The following HARBI1 variants were observed in gnomAD, a reference collection of about 807,000 sequenced individuals.
The protein encoded by HARBI1 is harbinger transposase derived 1.
A neutral mutation model predicts 25.3 loss-of-function variants in HARBI1; 15 were observed. The ratio of observed to expected loss-of-function variants is 0.59; its 90% CI spans 0.40 to 0.91. HARBI1 has a LOEUF of 0.91. Ranked by LOEUF, HARBI1 falls within the 40% of genes least tolerant of loss-of-function variation. The probability of loss-of-function intolerance (pLI) is 0.00; values close to 1 mark genes in which losing one functional copy is unlikely to be tolerated. For missense variants in HARBI1, 396 were observed against 445.8 expected (o/e 0.89, Z 1.01); for synonymous variants, 168 against 160.5 (o/e 1.05, Z -0.35).
intron 2 of HARBI1, among the ~76,000 whole-genome samples, chr11:46,607,899 G>C (rs1430385458): frequency 7.3e-6 from 1 of 137,362 alleles, no homozygotes; most frequent in African/African-American, 2.8e-5. Flanking sequence ...TAATATCGTA[G>C]GAAAAATAAT....
chr11:46,616,090 C>A lies in HARBI1; in HGVS notation c.148G>T (p.Val50Leu). The change falls in exon 2 of 3, where the codon GTG becomes TTG. Residue 50 changes from valine (V) to leucine (L), a missense_variant. Coordinates refer to ENST00000326737, the MANE Select transcript of HARBI1 (RefSeq NM_173811.4). Reference sequence around the variant, plus strand: ...GAAAGATTCGCCCCCAAGAGCTCCACCAAGTAATAAATGAACTGCCGTGGA... The same window carrying A: ...GAAAGATTCGCCCCCAAGAGCTCCAACAAGTAATAAATGAACTGCCGTGGA... ...GFPRQFIYYLVELLGANLSRP... is the reference protein window; with the variant it reads ...GFPRQFIYYLLELLGANLSRP... 2 of 1,614,180 alleles carry A rather than the reference C, an allele frequency of 1.2e-6. No individual in the cohort carries two copies. Among genetic ancestry groups the A allele is most frequent in the Non-Finnish European group, 1.7e-6 (2 of 1,180,026 alleles).
Position 46,615,932 on chromosome 11 carries a change from A to G in HARBI1, c.306T>C (p.Arg102=), listed in dbSNP as rs1358902070. The G allele has an allele frequency of 2.2e-5, 35 of 1,614,234 alleles. No individual in the cohort carries two copies. Among genetic ancestry groups the G allele is most frequent in the Non-Finnish European group, 2.9e-5 (34 of 1,180,040 alleles). Residue 102 remains arginine, a synonymous_variant, in exon 2 of 3, where the codon CGT becomes CGC. Coordinates refer to ENST00000326737, the MANE Select transcript of HARBI1 (RefSeq NM_173811.4). ...AIGISQASMS[R]CVANVTEALV... The stretch of plus-strand genomic sequence containing the variant: ...GTGCTTCAGTGACATTGGCAACACA[A>G]CGACTCATAGACGCCTGACTGATTC...
At chr11:46,610,654 G>A (rs552458952) in intron 2 of HARBI1, among the ~76,000 whole-genome samples, 12 of 152,194 alleles carry the variant, frequency 7.9e-5, no homozygotes, top group South Asian at 2.1e-4. Flanking sequence ...GCGAGACTCC[G>A]TCTCAAAAAA....
At chr11:46,608,512 G>GT (rs1367498028) in intron 2 of HARBI1, among the ~76,000 whole-genome samples, 1 of 151,952 alleles carries the variant, frequency 6.6e-6, no homozygotes, top group Non-Finnish European at 1.5e-5. Flanking sequence ...TAGCACGATC[G>GT]TAGCTCACTG....
At chr11:46,617,694 C>T (rs544341630), upstream of HARBI1, 51 of 397,104 alleles carry the variant, frequency 1.3e-4, 2 homozygotes, top group South Asian at 5.7e-3. Flanking sequence ...TGCGACAACT[C>T]GCGGAGTCTT....
At chr11:46,610,152 C>G (rs2045117389) in intron 2 of HARBI1, among the ~76,000 whole-genome samples, 1 of 151,384 alleles carries the variant, frequency 6.6e-6, no homozygotes, top group South Asian at 2.1e-4. Context: ...AGCGCCCAGC[C>G]AAAAAATTTA....
At chr11:46,610,851 G>A (rs1174102899) in intron 2 of HARBI1, among the ~76,000 whole-genome samples, 1 of 151,898 alleles carries the variant, frequency 6.6e-6, no homozygotes, top group Non-Finnish European at 1.5e-5. Context: ...TGGATCCCAA[G>A]GTGGGAAGAA....
intron 2 of HARBI1, among the ~76,000 whole-genome samples, chr11:46,611,157 G>A (rs1343301329): frequency 6.6e-6 from 1 of 151,714 alleles, no homozygotes; most frequent in African/African-American, 2.4e-5. Flanking sequence ...ACAGGCGCCT[G>A]CCACCACGCC....
chr11:46,604,212 A>C (rs1273463656), intron 2 of HARBI1: 1 of 985,258 alleles, frequency 1.0e-6, no homozygotes, highest in Non-Finnish European at 1.2e-6. Flanking sequence ...TGGAGGAAAT[A>C]AAATTCCTGC....
intron 2 of HARBI1, among the ~76,000 whole-genome samples, chr11:46,606,772 AGCTGGGATTACAGGCACAT>A (rs149752239): frequency 0.019 from 2,838 of 152,268 alleles, 94 homozygotes; most frequent in African/African-American, 0.065. Context: ...CCTCCTGAGT[AGCTGGGATTACAGGCACAT>A]GCCACAACAC....
chr11:46,605,417 G>A lies in HARBI1; in HGVS notation c.671-1508C>T, dbSNP rs7124331. ...GAGGTTTCACTATGTTACCCAGGCT[G>A]GTCTCTTAAGTCCCGTGCCCAAACA... is the stretch of plus-strand genomic sequence containing the variant. On this transcript the variant is annotated intron_variant, in intron 2 of 2. Transcript: ENST00000326737. 7.0e-3 allele frequency among the ~76,000 whole-genome samples: 1,059 copies of A among 151,816 alleles called. 18 individuals carry two copies. Among genetic ancestry groups the A allele is most frequent in the African/African-American group, 0.024 (1,011 of 41,384 alleles).
chr11:46,617,809 C>G (rs1329790632), upstream of HARBI1: 1 of 399,156 alleles, frequency 2.5e-6, no homozygotes, highest in African/African-American at 2.1e-5. Flanking sequence ...GAACCCTCAG[C>G]CAGGAGGCGC....
intron 2 of HARBI1, among the ~76,000 whole-genome samples, chr11:46,615,141 A>G (rs551345913): frequency 6.6e-6 from 1 of 151,314 alleles, no homozygotes; most frequent in South Asian, 2.1e-4. Context: ...TAAACTCCCA[A>G]CCTCAGGTGA....
chr11:46,610,462 C>T (rs2045135025), intron 2 of HARBI1, among the ~76,000 whole-genome samples: 2 of 151,898 alleles, frequency 1.3e-5, no homozygotes, highest in South Asian at 4.1e-4. Context: ...AGATGGAGGC[C>T]ATCCTGGCTA....
chr11:46,614,579 TAAAAAA>T (rs1330646282), intron 2 of HARBI1, among the ~76,000 whole-genome samples: 1 of 151,262 alleles, frequency 6.6e-6, no homozygotes, highest in African/African-American at 2.4e-5. Context: ...CTACACAAAA[TAAAAAA>T]AATAAAAATA....
chr11:46,605,273 G>A (rs2044894547), intron 2 of HARBI1, among the ~76,000 whole-genome samples: 1 of 152,116 alleles, frequency 6.6e-6, no homozygotes, highest in Admixed American at 6.5e-5. Context: ...GAATGCAGTG[G>A]AGTGATAACA....
At position 46,617,141 on chromosome 11, in the gene HARBI1, G is replaced by A. The variant is rs1232141036; in HGVS notation, c.-162C>T. 5.6e-6 allele frequency: 2 copies of A among 358,724 alleles called. No individual in the cohort carries two copies. The highest frequency in any genetic ancestry group is 7.8e-6 in the Non-Finnish European group (2 of 257,114). The allele number at this position is 358,724 out of a possible 1,614,324, so 22.2% of individuals were successfully genotyped here. ...TCACCCACCTCTCCGCGGCTGCCAG[G>A]TTACCAGCCACACTTCCCACCCACC... On this transcript the variant is annotated 5_prime_UTR_variant, in exon 1 of 3. Coordinates refer to ENST00000326737, the MANE Select transcript of HARBI1 (RefSeq NM_173811.4).
At chr11:46,611,797 G>C (rs2045194225) in intron 2 of HARBI1, among the ~76,000 whole-genome samples, 1 of 151,662 alleles carries the variant, frequency 6.6e-6, no homozygotes, top group Non-Finnish European at 1.5e-5. Flanking sequence ...AGCTACAGAA[G>C]AAATGGCCAG....
At chr11:46,616,466 A>C in intron 1 of HARBI1, 85 bp from the exon 2 acceptor site, 1 of 1,350,820 alleles carries the variant, frequency 7.4e-7, no homozygotes, top group African/African-American at 1.5e-5. Context: ...TTTTCTACAA[A>C]TTTCCATTTT....
Sources: allele counts gnomAD v4.1 joint callset (sites outside exome capture counted in the v4.1 genomes callset), GRCh38; gene constraint gnomAD v4.1.1; transcripts MANE v1.5; gene names NCBI Gene and HGNC (gene_info 2026-07-23, HGNC 2026-07-21).